The following TRIM17 variants were observed in gnomAD, a reference collection of about 807,000 sequenced individuals.
TRIM17 encodes tripartite motif containing 17.
TRIM17 carries 27 observed loss-of-function variants against 35.8 expected under a neutral mutation model. The observed-to-expected ratio is 0.75, with a 90% CI of 0.56 to 1.04. The LOEUF (loss-of-function observed/expected upper bound fraction) is 1.04. Ranked by LOEUF, TRIM17 falls within the 50% of genes least tolerant of loss-of-function variation. The pLI, the probability that TRIM17 is intolerant of heterozygous loss-of-function variation, is 0.00. For synonymous variants in TRIM17, 246 were observed against 252.6 expected (o/e 0.97, Z 0.25); for missense variants, 582 against 612.8 (o/e 0.95, Z 0.53).
Position 228,408,932 on chromosome 1 carries a change from G to C in TRIM17, c.884-181C>G. ...CACACACCAATTGTGTGTGGGCCTT[G>C]GTGGCAATAAGGTACAGGGGGCTGG... On this transcript the variant is annotated intron_variant, in intron 6 of 6. Coordinates refer to ENST00000366698, the MANE Select transcript of TRIM17 (RefSeq NM_016102.4). This position sits in a 1 kb window ranked among gnomAD's most constrained non-coding sequence, Gnocchi z 6.3. The C allele has an allele frequency of 6.7e-7, 1 of 1,489,132 alleles. No individual in the cohort carries two copies. The highest frequency in any genetic ancestry group is 9.0e-7 in the Non-Finnish European group (1 of 1,115,418). 92.2% of individuals were successfully genotyped at this position (1,489,132 alleles called of 1,614,324 possible). A position where few individuals can be genotyped will look rare whatever the true frequency, so the allele number is the denominator to read the frequency against.
chr1:228,416,418 G>C (rs1002723970), intron 1 of TRIM17, 121 bp downstream of exon 1: 1 of 986,854 alleles, frequency 1.0e-6, no homozygotes, highest in Non-Finnish European at 1.2e-6. Context: ...CTCCAGGGAC[G>C]CGGCGGCCGG....
chr1:228,412,162 G>A (rs1216289561), intron 3 of TRIM17, among the ~76,000 whole-genome samples: 1 of 152,186 alleles, frequency 6.6e-6, no homozygotes, highest in Non-Finnish European at 1.5e-5. Flanking sequence ...CTTCAGGAAT[G>A]TGGGGCAGCT....
Position 228,411,075 on chromosome 1 carries a change from C to T in TRIM17, c.627G>A (p.Thr209=), listed in dbSNP as rs543903675. ...GCCTGCTGGCAGTCTCCTCTTCTTC[C>T]GTCTCCAGAGCCTGGAGGAGCCTCT... ...EEQRLLQALE[T]EEEETASRLR... Residue 209 remains threonine (T), a synonymous_variant, in exon 4 of 7, where the codon ACG becomes ACA. Coordinates refer to ENST00000366698, the MANE Select transcript of TRIM17 (RefSeq NM_016102.4). The surrounding 1 kb of genome is among the most constrained non-coding windows in gnomAD (Gnocchi z 4.2). The T allele has an allele frequency of 8.1e-6, 13 of 1,614,056 alleles. No homozygotes were observed. The East Asian group carries it at 8.9e-5, about 11-fold the overall frequency.
Position 228,409,235 on chromosome 1 carries a change from G to T in TRIM17, c.820C>A (p.Pro274Thr), listed in dbSNP as rs149687443. Residue 274 changes from proline (P) to threonine (T), a missense_variant, in exon 6 of 7, where the codon CCA (proline) becomes ACA (threonine). Pro to Thr is a conservative substitution (Grantham distance 38). Transcript: ENST00000366698. The stretch of plus-strand genomic sequence containing the variant: ...CTGCACACAGTCCTGGGTCTGGTTG[G>T]GGGGGCAACCTCTGGGCACTGCACA... ...VSVQCPEVAP[P>T]TRPRTVCRVP... 2.5e-5 allele frequency: 40 copies of T among 1,613,744 alleles called. No individual in the cohort carries two copies. Among genetic ancestry groups the T allele is most frequent in the Non-Finnish European group, 3.1e-5 (37 of 1,179,942 alleles).
chr1:228,411,312 C>G lies in TRIM17; in HGVS notation c.526-136G>C. The G allele has an allele frequency of 1.5e-6, 1 of 685,360 alleles. No homozygotes were observed. The highest frequency in any genetic ancestry group is 2.4e-6 in the Non-Finnish European group (1 of 408,168). The allele number at this position is 685,360 out of a possible 1,614,324, so 42.5% of individuals were successfully genotyped here. A position where few individuals can be genotyped will look rare whatever the true frequency, so the allele number is the denominator to read the frequency against. On this transcript the variant is annotated intron_variant, in intron 3 of 6. Coordinates refer to ENST00000366698, the MANE Select transcript of TRIM17 (RefSeq NM_016102.4). This position sits in a 1 kb window ranked among gnomAD's most constrained non-coding sequence, Gnocchi z 4.2. ...TTTAGTTGGGGACCAGGAACTGTGA[C>G]AGAGGCCCCCACCTCTGCCATCCTG... is the stretch of plus-strand genomic sequence containing the variant.
rs1657147657 is a variant in TRIM17, at chr1:228,416,584, C to G, written c.-87G>C. On this transcript the variant is annotated 5_prime_UTR_variant, in exon 1 of 7. Coordinates refer to ENST00000366698, the MANE Select transcript of TRIM17 (RefSeq NM_016102.4). The stretch of plus-strand genomic sequence containing the variant: ...ACAGCGCCTAGTGCACCTGGCCGAG[C>G]GCTCGCTGCCGGGAAAGGCTGGGTC... 1.0e-6 allele frequency: 1 copy of G among 985,474 alleles called. No individual in the cohort carries two copies. The highest frequency in any genetic ancestry group is 1.7e-5 in the African/African-American group (1 of 57,162). 61.0% of individuals were successfully genotyped at this position (985,474 alleles called of 1,614,324 possible).
rs907845162 is a variant in TRIM17 at position 228,414,927 on chromosome 1, C to A, written c.146G>T (p.Gly49Val). 1.2e-6 allele frequency: 2 copies of A among 1,613,376 alleles called. No homozygotes were observed. Among genetic ancestry groups the A allele is most frequent in the Non-Finnish European group, 1.7e-6 (2 of 1,180,016 alleles). ...CIQLSWEKAR[G>V]KKGRRKRKGS... ...CTTCCGCTTCCGCCTCCCCTTCTTG[C>A]CCCTCGCCTTTTCCCAGCTCAGCTG... Residue 49 changes from glycine (G) to valine (V), a missense_variant, in exon 2 of 7, where the codon GGC becomes GTC. Physicochemically the swap from Gly to Val is moderately radical, Grantham distance 109. Transcript: ENST00000366698.
At chr1:228,413,400 C>T (rs1379424930) in intron 3 of TRIM17, among the ~76,000 whole-genome samples, 1 of 151,978 alleles carries the variant, frequency 6.6e-6, no homozygotes, top group Non-Finnish European at 1.5e-5. Flanking sequence ...TGGTGCTGAC[C>T]TACGCCCCTG....
At position 228,414,694 on chromosome 1, in the gene TRIM17, GCTCCCGGGA is replaced by G; in HGVS notation, c.370_378del (p.Ser124_Glu126del). The stretch of plus-strand genomic sequence containing the variant: ...GCGGGCAGCACCCTGTGCAGCCGGT[GCTCCCGGGA>G]CTCCCTGCACACCACACAGATGGGG... On this transcript the variant is annotated inframe_deletion, in exon 2 of 7. Transcript: ENST00000366698. 1.2e-6 allele frequency: 2 copies of G among 1,611,986 alleles called. No individual in the cohort carries two copies. Among genetic ancestry groups the G allele is most frequent in the South Asian group, 2.2e-5 (2 of 91,002 alleles).
At position 228,410,955 on chromosome 1, in the gene TRIM17, C is replaced by G. The variant is rs200393879; in HGVS notation, c.747G>C (p.Gln249His). Residue 249 changes from glutamine (Q) to histidine (H), a missense_variant, in exon 4 of 7, where the codon CAG becomes CAC. By Grantham distance (24) the Gln-to-His change is conservative. Coordinates refer to ENST00000366698, the MANE Select transcript of TRIM17 (RefSeq NM_016102.4). The surrounding 1 kb of genome is among the most constrained non-coding windows in gnomAD (Gnocchi z 4.6). ...AAGCCTACTGGCTCACCTGCAGCATCTGGAGGGGCCCCTGTGTGCTCCGCT... is the reference window on the plus strand; with the variant it reads ...AAGCCTACTGGCTCACCTGCAGCATGTGGAGGGGCCCCTGTGTGCTCCGCT... Reference protein sequence around the residue: ...LEERSTQGPLQMLQDMKEPLS... With the variant: ...LEERSTQGPLHMLQDMKEPLS... 1.3e-6 allele frequency: 2 copies of G among 1,568,056 alleles called. No homozygotes were observed. Among genetic ancestry groups the G allele is most frequent in the Non-Finnish European group, 8.6e-7 (1 of 1,157,604 alleles).
intron 2 of TRIM17, 37 bp from the exon 3 acceptor site, chr1:228,413,929 GATCCC>G: frequency 6.4e-7 from 1 of 1,571,882 alleles, no homozygotes; most frequent in Non-Finnish European, 8.8e-7. Flanking sequence ...TGGGATCAGC[GATCCC>G]CCTACCTCCT....
In TRIM17 at chr1:228,408,701, C is replaced by CATACAGGAGGAGGTAGG. The variant is rs1352847108; in HGVS notation, c.917_933dup (p.Glu312ProfsTer52). 2 of 1,607,700 alleles carry CATACAGGAGGAGGTAGG rather than the reference C, an allele frequency of 1.2e-6. No homozygotes were observed. Among genetic ancestry groups the CATACAGGAGGAGGTAGG allele is most frequent in the Non-Finnish European group, 1.7e-6 (2 of 1,179,992 alleles). On this transcript the variant is annotated frameshift_variant, in exon 7 of 7. Coordinates refer to ENST00000366698, the MANE Select transcript of TRIM17 (RefSeq NM_016102.4). LOFTEE classifies it low-confidence loss of function (END_TRUNC). The surrounding 1 kb of genome is among the most constrained non-coding windows in gnomAD (Gnocchi z 6.3). The stretch of plus-strand genomic sequence containing the variant: ...CCGAGGTAGCGCCTCTGGCGGCTCT[C>CATACAGGAGGAGGTAGG]ATACAGGAGGAGGTAGGGGTACGCG...
intron 1 of TRIM17, chr1:228,416,291 G>T: frequency 2.0e-6 from 2 of 976,160 alleles, no homozygotes; most frequent in Non-Finnish European, 2.4e-6. Flanking sequence ...GACCGAAGCC[G>T]GGCAGGGACA....
Position 228,413,808 on chromosome 1 carries a change from C to G in TRIM17, c.514G>C (p.Ala172Pro), listed in dbSNP as rs1327374574. Residue 172 changes from alanine (A) to proline (P), a missense_variant, in exon 3 of 7, where the codon GCC (alanine) becomes CCC (proline). Transcript: ENST00000366698. ...NLQAREEQSL[A>P]EWQGKVKERR... ...CCCTGGGCACCCACCTGCCACTCGG[C>G]TAAGCTCTGCTCCTCCCTGGCCTGC... 1 of 1,614,186 alleles carries G rather than the reference C, an allele frequency of 6.2e-7. No homozygotes were observed. The highest frequency in any genetic ancestry group is 1.7e-5 in the Admixed American group (1 of 60,028).
intron 3 of TRIM17, among the ~76,000 whole-genome samples, chr1:228,412,364 C>CA (rs1656827860): frequency 1.2e-4 from 18 of 152,104 alleles, no homozygotes; most frequent in Admixed American, 1.2e-3. Flanking sequence ...GCCTGCTGGA[C>CA]CACCCTGCCT....
Position 228,415,004 on chromosome 1 carries a change from G to A in TRIM17, c.69C>T (p.Phe23=). 6.2e-7 allele frequency: 1 copy of A among 1,613,114 alleles called. No homozygotes were observed. The highest frequency in any genetic ancestry group is 8.5e-7 in the Non-Finnish European group (1 of 1,179,980). The change falls in exon 2 of 7, where the codon TTC becomes TTT. Residue 23 remains phenylalanine, a synonymous_variant. Transcript: ENST00000366698. ...CACAGGTGGTCATCACAGGGTCTGT[G>A]AAGTAATCCAGACAGATGGAGCACG... ...EATCSICLDY[F]TDPVMTTCGH...
At chr1:228,415,908 T>A (rs532092775) in intron 1 of TRIM17, 1 of 152,290 alleles carries the variant, frequency 6.6e-6, no homozygotes, top group Non-Finnish European at 1.5e-5. Flanking sequence ...CAGATGCACA[T>A]ATCGGTAAAC....
chr1:228,408,222 C>A lies in TRIM17; in HGVS notation c.1413G>T (p.Val471=). 1.3e-6 allele frequency: 2 copies of A among 1,537,146 alleles called. No homozygotes were observed. The highest frequency in any genetic ancestry group is 2.6e-5 in the South Asian group (2 of 78,042). Residue 471 remains valine (V), a synonymous_variant, in exon 7 of 7, where the codon GTG becomes GTT. Coordinates refer to ENST00000366698, the MANE Select transcript of TRIM17 (RefSeq NM_016102.4). This position sits in a 1 kb window ranked among gnomAD's most constrained non-coding sequence, Gnocchi z 6.3. ...PKSGQMVIST[V]TMWVKG is the part of the protein sequence containing the mutation. Reference sequence around the variant, plus strand: ...GTGTCTATCCTTTCACCCACATGGTCACTGTGGAGATGACCATCTGACCAG... The same window carrying A: ...GTGTCTATCCTTTCACCCACATGGTAACTGTGGAGATGACCATCTGACCAG...
At position 228,411,845 on chromosome 1, in the gene TRIM17, C is replaced by T. The variant is rs1000457459; in HGVS notation, c.526-669G>A. On this transcript the variant is annotated intron_variant, in intron 3 of 6. Transcript: ENST00000366698. This position sits in a 1 kb window ranked among gnomAD's most constrained non-coding sequence, Gnocchi z 4.2. ...ACAGGGTCTTGCTATGTTGCCCAGG[C>T]TGGGGTTCAGTGGCATGATCATGGT... Among the ~76,000 whole-genome samples, 1 of 152,134 alleles carries T rather than the reference C, an allele frequency of 6.6e-6. No individual in the cohort carries two copies. Among genetic ancestry groups the T allele is most frequent in the Admixed American group, 6.5e-5 (1 of 15,276 alleles).
Sources: allele counts gnomAD v4.1 joint callset (sites outside exome capture counted in the v4.1 genomes callset), GRCh38; gene constraint gnomAD v4.1.1; non-coding constraint Gnocchi (gnomAD v3.1); transcripts MANE v1.5; gene names NCBI Gene and HGNC (gene_info 2026-07-23, HGNC 2026-07-21).